Variants in FANCC observed in about 807,000 individuals in gnomAD.
The protein encoded by FANCC is Fanconi anemia group C protein.
In FANCC, 55 loss-of-function variants were observed where a neutral mutation model predicts 71.3. That is an observed-to-expected ratio of 0.77 (90% CI 0.62 to 0.97). The LOEUF (loss-of-function observed/expected upper bound fraction) is 0.97, where lower values mean the gene tolerates loss of function less well. Ranked by LOEUF, FANCC falls within the 50% of genes least tolerant of loss-of-function variation. The probability of loss-of-function intolerance (pLI) is 0.00; values close to 1 mark genes in which losing one functional copy is unlikely to be tolerated. For synonymous variants in FANCC, 275 were observed against 244.9 expected (o/e 1.12, Z -1.15); for missense variants, 678 against 670.9 (o/e 1.01, Z -0.12).
intron 1 of FANCC, among the ~76,000 whole-genome samples, chr9:95,310,594 T>A (rs559682671): frequency 6.6e-6 from 1 of 152,334 alleles, no homozygotes; most frequent in South Asian, 2.1e-4. Flanking sequence ...GTATTCAGAC[T>A]GGACTTGCTT....
intron 8 of FANCC, 44 bp downstream of exon 8, chr9:95,135,302 A>C: frequency 7.4e-6 from 11 of 1,484,358 alleles, no homozygotes; most frequent in Non-Finnish European, 1.0e-5. Flanking sequence ...GATTCCAAGC[A>C]TCTCCTTCAA....
intron 1 of FANCC, among the ~76,000 whole-genome samples, chr9:95,260,974 T>A (rs1432887694): frequency 6.6e-6 from 1 of 152,154 alleles, no homozygotes; most frequent in African/African-American, 2.4e-5. Context: ...AAATAATGAC[T>A]CCATTTTTCC....
intron 4 of FANCC, among the ~76,000 whole-genome samples, chr9:95,180,964 A>G (rs1241331423): frequency 6.6e-6 from 1 of 152,116 alleles, no homozygotes; most frequent in Non-Finnish European, 1.5e-5. Flanking sequence ...TATAAGGCAC[A>G]TGACTAAACT....
At chr9:95,193,008 AT>A (rs1718402089) in intron 4 of FANCC, among the ~76,000 whole-genome samples, 1 of 152,228 alleles carries the variant, frequency 6.6e-6, no homozygotes, top group African/African-American at 2.4e-5. Context: ...GGGGATATTT[AT>A]TGAGCACCTC....
intron 1 of FANCC, chr9:95,292,927 C>T: frequency 6.3e-7 from 1 of 1,580,732 alleles, no homozygotes; most frequent in South Asian, 1.1e-5. Flanking sequence ...TGCGGCTGTC[C>T]CTACGCCAGT....
chr9:95,274,319 C>T (rs1832913589), intron 1 of FANCC, among the ~76,000 whole-genome samples: 1 of 152,182 alleles, frequency 6.6e-6, no homozygotes, highest in South Asian at 2.1e-4. Flanking sequence ...ATGATCGTTT[C>T]CAGCTTTATC....
rs75809975 is a variant in FANCC, at chr9:95,275,339, C to T, written c.-78-25970G>A. Among the ~76,000 whole-genome samples the T allele has an allele frequency of 3.3e-3, 509 of 151,998 alleles. 9 individuals carry two copies. The East Asian group carries it at 0.043, about 13-fold the overall frequency. ...AATAAAAACAGAAATTCCACTCGGG[C>T]AGGGGAGAGGGAAGAGTGAATAGGT... On this transcript the variant is annotated intron_variant, in intron 1 of 14. Transcript: ENST00000289081.
intron 14 of FANCC, among the ~76,000 whole-genome samples, chr9:95,105,049 C>T (rs982371555): frequency 6.6e-6 from 1 of 152,278 alleles, no homozygotes; most frequent in African/African-American, 2.4e-5. Flanking sequence ...TTCTCGAAAG[C>T]ATTCTCGCTG....
intron 4 of FANCC, among the ~76,000 whole-genome samples, chr9:95,237,280 C>A (rs571022267): frequency 8.5e-5 from 13 of 152,324 alleles, no homozygotes; most frequent in African/African-American, 2.9e-4. Context: ...CTCAATTCAG[C>A]CAACCCCACC....
chr9:95,302,377 G>A (rs1423718079), intron 1 of FANCC, among the ~76,000 whole-genome samples: 1 of 152,148 alleles, frequency 6.6e-6, no homozygotes. Flanking sequence ...TGAAATTTCT[G>A]AGTGCCAACC....
chr9:95,229,321 C>T (rs1829838418), intron 4 of FANCC, among the ~76,000 whole-genome samples: 1 of 146,682 alleles, frequency 6.8e-6, no homozygotes, highest in Non-Finnish European at 1.5e-5. Flanking sequence ...AAAAAAAATC[C>T]TTCTGGTTGA....
rs537709757 is a variant in FANCC at position 95,300,314 on chromosome 9, A to G, written c.-79+17212T>C. Reference sequence around the variant, plus strand: ...TCCAAAATATGGAGGAGAAAATAAGAAAGAATGATCCAAGTAAAAGACTAA... The same window carrying G: ...TCCAAAATATGGAGGAGAAAATAAGGAAGAATGATCCAAGTAAAAGACTAA... On this transcript the variant is annotated intron_variant, in intron 1 of 14. Coordinates refer to ENST00000289081, the MANE Select transcript of FANCC (RefSeq NM_000136.3). Among the ~76,000 whole-genome samples, 25 of 152,316 alleles carry G rather than the reference A, an allele frequency of 1.6e-4. No individual in the cohort carries two copies. In the South Asian group the frequency reaches 5.2e-3, roughly 32 times the overall value.
At chr9:95,249,854 A>T (rs1831221553) in intron 1 of FANCC, among the ~76,000 whole-genome samples, 1 of 152,118 alleles carries the variant, frequency 6.6e-6, no homozygotes, top group Non-Finnish European at 1.5e-5. Context: ...TGTCTAACGA[A>T]TTTTTTTCCC....
At position 95,294,756 on chromosome 9, in the gene FANCC, C is replaced by A; in HGVS notation, c.-79+22770G>T. On this transcript the variant is annotated intron_variant, in intron 1 of 14. Coordinates refer to ENST00000289081, the MANE Select transcript of FANCC (RefSeq NM_000136.3). The stretch of plus-strand genomic sequence containing the variant: ...CCTGGAACATGATGGAGTCTCAGTT[C>A]AGCTCTGTAGAAACCCAGACTTCTG... The A allele has an allele frequency of 4.4e-6, 7 of 1,593,348 alleles. No individual in the cohort carries two copies. The South Asian group carries it at 8.1e-5, about 18-fold the overall frequency.
At chr9:95,285,341 T>C (rs1833627446) in intron 1 of FANCC, among the ~76,000 whole-genome samples, 1 of 152,056 alleles carries the variant, frequency 6.6e-6, no homozygotes, top group Non-Finnish European at 1.5e-5. Context: ...TGCCATAAAT[T>C]ATATGGAGTT....
chr9:95,125,459 G>C (rs1488922905), intron 9 of FANCC, among the ~76,000 whole-genome samples: 5 of 152,078 alleles, frequency 3.3e-5, no homozygotes, highest in Non-Finnish European at 1.5e-5. Flanking sequence ...TGCATACTCT[G>C]TACAAATATT....
intron 4 of FANCC, among the ~76,000 whole-genome samples, chr9:95,188,102 A>G (rs1310733202): frequency 1.3e-5 from 2 of 151,918 alleles, no homozygotes; most frequent in Non-Finnish European, 2.9e-5. Flanking sequence ...CACAGGCCAA[A>G]TGTCTAGAAC....
At chr9:95,164,201 G>A (rs1239788540) in intron 6 of FANCC, among the ~76,000 whole-genome samples, 2 of 152,144 alleles carry the variant, frequency 1.3e-5, no homozygotes, top group African/African-American at 4.8e-5. Flanking sequence ...ATAAAATCAT[G>A]TCATCTGTGA....
At chr9:95,158,442 G>A (rs907985151) in intron 6 of FANCC, among the ~76,000 whole-genome samples, 1 of 151,926 alleles carries the variant, frequency 6.6e-6, no homozygotes, top group African/African-American at 2.4e-5. Flanking sequence ...GTAGAGAACA[G>A]GAAGAACAAT....
Sources: gnomAD v4.1 joint callset for allele counts (sites outside exome capture counted in the v4.1 genomes callset) on GRCh38, gnomAD v4.1.1 for gene constraint, MANE v1.5 for transcripts, NCBI Gene and HGNC (gene_info 2026-07-23, HGNC 2026-07-21) for gene names.